TRAP1: variants seen among roughly 807,000 people sequenced by gnomAD.
The protein encoded by TRAP1 is TNF receptor associated protein 1.
TRAP1 carries 102 observed loss-of-function variants against 89.1 expected under a neutral mutation model. The observed-to-expected ratio is 1.15, with a 90% confidence interval of 0.98 to 1.35. The LOEUF is 1.35. TRAP1 is among the 40% of genes most tolerant of loss of function. The pLI, the probability that TRAP1 is intolerant of heterozygous loss-of-function variation, is 0.00. For synonymous variants in TRAP1, 508 were observed against 388.0 expected (o/e 1.31, Z -3.64); for missense variants, 1,256 against 945.3 (o/e 1.33, Z -4.31).
At chr16:3,680,185 A>G in intron 4 of TRAP1, 1 of 177,912 alleles carries the variant, frequency 5.6e-6, no homozygotes, top group Non-Finnish European at 1.2e-5. Flanking sequence ...CAGTGAACTG[A>G]GATTGCGCCA....
At chr16:3,696,358 A>G (rs1471192251) in intron 1 of TRAP1, among the ~76,000 whole-genome samples, 1 of 152,192 alleles carries the variant, frequency 6.6e-6, no homozygotes, top group Non-Finnish European at 1.5e-5. Context: ...AATCTAGGAC[A>G]ATCTGTGCGG....
At chr16:3,679,149 G>C (rs2151259821) in intron 5 of TRAP1, among the ~76,000 whole-genome samples, 1 of 152,150 alleles carries the variant, frequency 6.6e-6, no homozygotes, top group Middle Eastern at 3.4e-3. Context: ...AAATTGGCCA[G>C]GCGTGGTGGC....
intron 11 of TRAP1, among the ~76,000 whole-genome samples, chr16:3,671,402 C>T (rs2050910671): frequency 6.6e-6 from 1 of 152,226 alleles, no homozygotes; most frequent in Non-Finnish European, 1.5e-5. Context: ...ACTGGAGTCC[C>T]CTCCACACAG....
At chr16:3,662,297 GGCCCTGAGCTGAT>G (rs2043127632) in intron 15 of TRAP1, 165 bp from the exon 16 acceptor site, 1 of 826,546 alleles carries the variant, frequency 1.2e-6, no homozygotes, top group East Asian at 2.7e-5. Flanking sequence ...CTAACTTGTG[GGCCCTGAGCTGAT>G]GCCCCACGCA....
chr16:3,675,993 C>T (rs374192925), intron 7 of TRAP1, 43 bp downstream of exon 7: 46 of 1,553,274 alleles, frequency 3.0e-5, no homozygotes, highest in Middle Eastern at 4.1e-4. Context: ...CTCCAGGCCA[C>T]ACATGGATCC....
chr16:3,658,255 T>C lies in TRAP1; in HGVS notation c.2014-25A>G, dbSNP rs753376902. The C allele has an allele frequency of 5.7e-6, 9 of 1,580,146 alleles. No individual in the cohort carries two copies. In the Admixed American group the frequency reaches 1.2e-4, roughly 21 times the overall value. Reference sequence around the variant, plus strand: ...TCTGAAAGGCAAGAGGAGAAACCCATTATGAGGGGCATGGGGCACCTTTTC... The same window carrying C: ...TCTGAAAGGCAAGAGGAGAAACCCACTATGAGGGGCATGGGGCACCTTTTC... On this transcript the variant is annotated intron_variant, in intron 17 of 17. Coordinates refer to ENST00000246957, the MANE Select transcript of TRAP1 (RefSeq NM_016292.3).
intron 1 of TRAP1, among the ~76,000 whole-genome samples, chr16:3,712,605 C>G (rs1433109025): frequency 6.6e-6 from 1 of 152,230 alleles, no homozygotes; most frequent in Admixed American, 6.5e-5. Context: ...CTCTTACATT[C>G]GGATTGATGT....
At chr16:3,668,025 T>G (rs1300093754) in intron 11 of TRAP1, among the ~76,000 whole-genome samples, 1 of 150,766 alleles carries the variant, frequency 6.6e-6, no homozygotes, top group Non-Finnish European at 1.5e-5. Context: ...ACCTCCCAGG[T>G]TCAAGCAATT....
At chr16:3,674,550 C>T in intron 8 of TRAP1, 56 bp from the exon 9 acceptor site, 1 of 1,588,186 alleles carries the variant, frequency 6.3e-7, no homozygotes, top group South Asian at 1.1e-5. Context: ...GTCTTCTCCA[C>T]CACCGTGCAG....
chr16:3,686,945 C>G (rs923888797), intron 3 of TRAP1: 1 of 152,128 alleles, frequency 6.6e-6, no homozygotes, highest in East Asian at 1.9e-4. Flanking sequence ...CACTCCAGCC[C>G]CGACAGAGAG....
Position 3,662,095 on chromosome 16 carries a change from G to A in TRAP1, c.1832C>T (p.Thr611Ile). Residue 611 changes from threonine (T) to isoleucine (I), a missense_variant, in exon 16 of 18, where the codon ACC becomes ATC. Physicochemically the swap from Thr to Ile is moderately conservative, Grantham distance 89 (BLOSUM62 -1). Coordinates refer to ENST00000246957, the MANE Select transcript of TRAP1 (RefSeq NM_016292.3). Reference sequence around the variant, plus strand: ...GCGGGCAGCCCCCATCTCCAGCACGGTGACCATGGCAGGGTGGGTGTCCAG... The same window carrying A: ...GCGGGCAGCCCCCATCTCCAGCACGATGACCATGGCAGGGTGGGTGTCCAG... ...LRLDTHPAMVTVLEMGAARHF... is the reference protein window; with the variant it reads ...LRLDTHPAMVIVLEMGAARHF... 1 of 1,613,308 alleles carries A rather than the reference G, an allele frequency of 6.2e-7. No homozygotes were observed. The highest frequency in any genetic ancestry group is 8.5e-7 in the Non-Finnish European group (1 of 1,179,870).
chr16:3,688,404 G>T (rs922460055), intron 3 of TRAP1, among the ~76,000 whole-genome samples: 1 of 152,182 alleles, frequency 6.6e-6, no homozygotes. Context: ...CCTGCAGGTA[G>T]TCCCACCAGG....
intron 1 of TRAP1, among the ~76,000 whole-genome samples, chr16:3,706,981 C>T (rs2051456379): frequency 6.6e-6 from 1 of 152,092 alleles, no homozygotes; most frequent in African/African-American, 2.4e-5. Context: ...GTTTTACATT[C>T]TCACCAGCAG....
intron 5 of TRAP1, chr16:3,678,435 CAGTT>C (rs754162436): frequency 6.6e-6 from 1 of 152,088 alleles, no homozygotes; most frequent in African/African-American, 2.4e-5. Context: ...GGTCAAGTCA[CAGTT>C]AGGGTGGGTT....
intron 4 of TRAP1, among the ~76,000 whole-genome samples, chr16:3,680,690 C>A (rs1488288482): frequency 6.6e-6 from 1 of 152,218 alleles, no homozygotes; most frequent in Non-Finnish European, 1.5e-5. Flanking sequence ...TATATTAAGA[C>A]CTAAGTCCCA....
rs2050903573 is a variant in TRAP1 at position 3,670,828 on chromosome 16, C to T, written c.1235+894G>A. 2.0e-5 allele frequency among the ~76,000 whole-genome samples: 3 copies of T among 152,268 alleles called. No individual in the cohort carries two copies. The South Asian group carries it at 6.2e-4, about 32-fold the overall frequency. On this transcript the variant is annotated intron_variant, in intron 11 of 17. Transcript: ENST00000246957. ...GGCCATGTGACCTCGCAGGGCTGGG[C>T]ATGGACCCACCAGGCAGGAAACCAC...
chr16:3,677,533 G>A lies in TRAP1; in HGVS notation c.669C>T (p.Ala223=), dbSNP rs1407921513. Residue 223 remains alanine, a synonymous_variant, in exon 6 of 18, where the codon GCC becomes GCT. Coordinates refer to ENST00000246957, the MANE Select transcript of TRAP1 (RefSeq NM_016292.3). ...GCCACTGGTAACCCAGGCTCCCCGG[G>A]GCTGCCGAGCGGGAATAGACCTCCA... ...DRVEVYSRSA[A]PGSLGYQWLS... The A allele has an allele frequency of 6.2e-7, 1 of 1,614,126 alleles. No individual in the cohort carries two copies. The highest frequency in any genetic ancestry group is 8.5e-7 in the Non-Finnish European group (1 of 1,180,040).
At chr16:3,662,189 C>G (rs1429322399) in intron 15 of TRAP1, 57 bp from the exon 16 acceptor site, 1 of 1,570,980 alleles carries the variant, frequency 6.4e-7, no homozygotes, top group African/African-American at 1.3e-5. Flanking sequence ...AGAGGGCTGG[C>G]AGGATCTTAC....
intron 3 of TRAP1, among the ~76,000 whole-genome samples, chr16:3,688,617 G>A (rs544663711): frequency 2.6e-5 from 4 of 152,086 alleles, no homozygotes; most frequent in Admixed American, 2.0e-4. Context: ...TGAGTAGCTG[G>A]GACCACAGGT....
Sources: gnomAD v4.1 joint callset for allele counts (sites outside exome capture counted in the v4.1 genomes callset) on GRCh38, gnomAD v4.1.1 for gene constraint, MANE v1.5 for transcripts, NCBI Gene and HGNC (gene_info 2026-07-23, HGNC 2026-07-21) for gene names.